Variants in CACNA1A observed in about 807,000 individuals in gnomAD.
CACNA1A encodes calcium voltage-gated channel subunit alpha1 A.
CACNA1A carries 57 observed loss-of-function variants against 262.4 expected under a neutral mutation model. That is an observed-to-expected ratio of 0.22 (90% confidence interval 0.18 to 0.27). The LOEUF (loss-of-function observed/expected upper bound fraction) is 0.27. Among genes scored for constraint, CACNA1A ranks in the 10% least tolerant of loss-of-function variants. CACNA1A has a pLI of 1.00. For missense variants in CACNA1A, 2,526 were observed against 3,562.8 expected (o/e 0.71, Z 7.41); for synonymous variants, 1,431 against 1,419.3 (o/e 1.01, Z -0.18).
chr19:13,226,134 C>T (rs1208139711), intron 37 of CACNA1A: 1 of 151,686 alleles, frequency 6.6e-6, no homozygotes, highest in Non-Finnish European at 1.5e-5. Flanking sequence ...ACAAAGTTGT[C>T]TTATGGACCC....
intron 35 of CACNA1A, among the ~76,000 whole-genome samples, chr19:13,231,425 C>T (rs376535892): frequency 6.6e-6 from 1 of 152,174 alleles, no homozygotes; most frequent in African/African-American, 2.4e-5. Flanking sequence ...GTTGTCACAA[C>T]AGGAGGAACG....
At chr19:13,372,186 G>C (rs2059334687) in intron 3 of CACNA1A, among the ~76,000 whole-genome samples, 1 of 151,904 alleles carries the variant, frequency 6.6e-6, no homozygotes, top group Non-Finnish European at 1.5e-5. Flanking sequence ...TTTTGAGACA[G>C]AGTCTCACTC....
At chr19:13,454,425 C>T (rs778003793) in intron 2 of CACNA1A, among the ~76,000 whole-genome samples, 46 of 151,900 alleles carry the variant, frequency 3.0e-4, no homozygotes, top group Admixed American at 1.0e-3. Context: ...GACTGGAGTG[C>T]AATGGTGCGA....
chr19:13,426,149 A>T (rs1305958372), intron 3 of CACNA1A, among the ~76,000 whole-genome samples: 1 of 152,216 alleles, frequency 6.6e-6, no homozygotes, highest in Non-Finnish European at 1.5e-5. Context: ...AGGCACCAGA[A>T]TGAGGAATCA....
Position 13,207,290 on chromosome 19 carries a change from G to A in CACNA1A, c.*23C>T. ...TGTGCGTGGGGTGCGTGGGGGGCCGGGCGGGCGCCACCTCGCCCGGGCTTA... is the reference window on the plus strand; with the variant it reads ...TGTGCGTGGGGTGCGTGGGGGGCCGAGCGGGCGCCACCTCGCCCGGGCTTA... On this transcript the variant is annotated 3_prime_UTR_variant, in exon 47 of 47. Transcript: ENST00000360228. This position sits in a 1 kb window ranked among gnomAD's most constrained non-coding sequence, Gnocchi z 5.7. The A allele has an allele frequency of 6.5e-7, 1 of 1,534,944 alleles. No homozygotes were observed. The highest frequency in any genetic ancestry group is 8.7e-7 in the Non-Finnish European group (1 of 1,147,358).
intron 3 of CACNA1A, among the ~76,000 whole-genome samples, chr19:13,418,148 C>G (rs565521047): frequency 2.0e-5 from 3 of 152,198 alleles, no homozygotes; most frequent in African/African-American, 7.2e-5. Flanking sequence ...TAACCCCACT[C>G]TGTCTTGATT....
chr19:13,365,909 A>T (rs913900448), intron 4 of CACNA1A: 1 of 153,256 alleles, frequency 6.5e-6, no homozygotes, highest in Non-Finnish European at 1.5e-5. Context: ...GTCTCCAAGG[A>T]CTCAAACTCC....
intron 1 of CACNA1A, among the ~76,000 whole-genome samples, chr19:13,483,502 A>T (rs149978840): frequency 9.2e-5 from 14 of 152,250 alleles, no homozygotes; most frequent in African/African-American, 3.1e-4. Flanking sequence ...CCCCACAGTG[A>T]TTGGTTCTGG....
chr19:13,345,895 CTTTTTTTTT>C (rs55982966), intron 6 of CACNA1A, among the ~76,000 whole-genome samples: 4 of 100,530 alleles, frequency 4.0e-5, no homozygotes, highest in Admixed American at 1.2e-4. Context: ...TTCACGAAGT[CTTTTTTTTT>C]TTTTTTTTTT....
rs1382759131 is a variant in CACNA1A, at chr19:13,481,945, C to T, written c.293+23987G>A. Among the ~76,000 whole-genome samples the T allele has an allele frequency of 2.6e-5, 4 of 152,088 alleles. No homozygotes were observed. The South Asian group carries it at 6.2e-4, about 24-fold the overall frequency. On this transcript the variant is annotated intron_variant, in intron 1 of 46. Coordinates refer to ENST00000360228, the MANE Select transcript of CACNA1A (RefSeq NM_001127222.2). ...CAGGGGCACAGACTGCCTGCAGAGA[C>T]CCCCACTATCTCAGTTCTACCTCAT... is the stretch of plus-strand genomic sequence containing the variant.
At chr19:13,418,373 C>G (rs58261828) in intron 3 of CACNA1A, among the ~76,000 whole-genome samples, 1 of 152,066 alleles carries the variant, frequency 6.6e-6, no homozygotes, top group African/African-American at 2.4e-5. Flanking sequence ...GAATTCAAAG[C>G]GCATTCTGGC....
intron 40 of CACNA1A, chr19:13,213,672 C>CTTTTTTTTTTTTT (rs3050829): frequency 1.1e-5 from 1 of 87,686 alleles, no homozygotes; most frequent in Non-Finnish European, 2.1e-5. Context: ...TTGGCAAGAA[C>CTTTTTTTTTTTTT]TTTTTTTTTT....
intron 3 of CACNA1A, among the ~76,000 whole-genome samples, chr19:13,436,448 G>A (rs116719422): frequency 0.019 from 2,959 of 152,238 alleles, 93 homozygotes; most frequent in African/African-American, 0.066. Context: ...CCCTAGCAAT[G>A]TCTGGGCAAG....
At chr19:13,452,807 C>A (rs2060939586) in intron 3 of CACNA1A, 69 bp downstream of exon 3, 2 of 1,503,954 alleles carry the variant, frequency 1.3e-6, no homozygotes, top group South Asian at 2.5e-5. Flanking sequence ...CTGGCCCGGA[C>A]CACACCAACC....
intron 34 of CACNA1A, among the ~76,000 whole-genome samples, chr19:13,233,031 A>G (rs1250785812): frequency 6.6e-6 from 1 of 151,536 alleles, no homozygotes; most frequent in Non-Finnish European, 1.5e-5. Flanking sequence ...CCTGGGCAAC[A>G]AGACCGAAAC....
chr19:13,384,981 A>G (rs1003007943), intron 3 of CACNA1A, among the ~76,000 whole-genome samples: 1 of 152,074 alleles, frequency 6.6e-6, no homozygotes, highest in Non-Finnish European at 1.5e-5. Flanking sequence ...TTGATGATGT[A>G]TCTCTTGGCC....
intron 19 of CACNA1A, among the ~76,000 whole-genome samples, chr19:13,295,447 C>A (rs757415969): frequency 5.9e-5 from 9 of 151,952 alleles, no homozygotes; most frequent in Non-Finnish European, 1.0e-4. Context: ...TTGTAATTAC[C>A]TGTGCTTTTA....
In CACNA1A at chr19:13,207,299, C is replaced by A. The variant is rs1374394410; in HGVS notation, c.*14G>T. ...GGTGCGTGGGGGGCCGGGCGGGCGC[C>A]ACCTCGCCCGGGCTTAGCACCAATC... On this transcript the variant is annotated 3_prime_UTR_variant, in exon 47 of 47. Transcript: ENST00000360228. This position sits in a 1 kb window ranked among gnomAD's most constrained non-coding sequence, Gnocchi z 5.7. The A allele has an allele frequency of 6.5e-7, 1 of 1,543,080 alleles. No individual in the cohort carries two copies.
At chr19:13,291,829 C>T (rs2057546226) in intron 19 of CACNA1A, among the ~76,000 whole-genome samples, 1 of 151,686 alleles carries the variant, frequency 6.6e-6, no homozygotes, top group African/African-American at 2.4e-5. Flanking sequence ...AACTTGGGCC[C>T]ATTGGGGGTA....
Sources: allele counts gnomAD v4.1 joint callset (sites outside exome capture counted in the v4.1 genomes callset), GRCh38; gene constraint gnomAD v4.1.1; non-coding constraint Gnocchi (gnomAD v3.1); transcripts MANE v1.5; gene names NCBI Gene and HGNC (gene_info 2026-07-23, HGNC 2026-07-21).